The following ANKRD31 variants were observed in gnomAD, a reference collection of about 807,000 sequenced individuals.
The protein encoded by ANKRD31 is ankyrin repeat domain-containing protein 31.
Under a neutral mutation model 186.0 loss-of-function variants are expected in ANKRD31, and 147 were observed. The ratio of observed to expected loss-of-function variants is 0.79; its 90% CI spans 0.69 to 0.91. ANKRD31 has a LOEUF of 0.91. Ranked by LOEUF, ANKRD31 falls within the 40% of genes least tolerant of loss-of-function variation. The pLI is 0.00. For missense variants in ANKRD31, 1,986 were observed against 2,148.8 expected, an observed-to-expected ratio of 0.92 and a Z score of 1.50; for synonymous variants, 673 against 736.4, an observed-to-expected ratio of 0.91 and a Z score of 1.39.
chr5:75,082,024 T>C (rs934420969), intron 24 of ANKRD31, among the ~76,000 whole-genome samples: 1 of 152,208 alleles, frequency 6.6e-6, no homozygotes, highest in African/African-American at 2.4e-5. Flanking sequence ...CTACAAGAAC[T>C]CTTTTCAATT....
At chr5:75,199,544 A>T in intron 6 of ANKRD31, 87 bp downstream of exon 6, 2 of 1,104,856 alleles carry the variant, frequency 1.8e-6, no homozygotes, top group Non-Finnish European at 2.5e-6. Flanking sequence ...GTGAGGGTCT[A>T]AATGAGCTTG....
intron 11 of ANKRD31, among the ~76,000 whole-genome samples, chr5:75,157,233 T>C (rs1752245526): frequency 6.6e-6 from 1 of 151,984 alleles, no homozygotes; most frequent in Non-Finnish European, 1.5e-5. Context: ...ATAGAACAAG[T>C]TTTTAGAAGC....
In ANKRD31 at chr5:75,098,635, G is replaced by A. The variant is rs183567265; in HGVS notation, c.5331+5593C>T. Among the ~76,000 whole-genome samples the A allele has an allele frequency of 2.1e-3, 313 of 152,240 alleles. 8 individuals carry two copies. In the East Asian group the frequency reaches 0.05, roughly 24 times the overall value. On this transcript the variant is annotated intron_variant, in intron 22 of 25. Coordinates refer to ENST00000506364, the MANE Select transcript of ANKRD31 (RefSeq NM_001372053.1). ...GCAGTGGTTTGTAGTTCTCCTTGAA[G>A]ATGTCCTTCACATCCCTTGTAAGTT...
intron 11 of ANKRD31, among the ~76,000 whole-genome samples, chr5:75,160,846 G>C (rs1328840994): frequency 6.6e-6 from 1 of 152,140 alleles, no homozygotes; most frequent in Non-Finnish European, 1.5e-5. Context: ...GGCTTAATAA[G>C]GGGAAATCTA....
chr5:75,195,648 A>C lies in ANKRD31; in HGVS notation c.1000T>G (p.Cys334Gly). 1 of 1,527,450 alleles carries C rather than the reference A, an allele frequency of 6.5e-7. No homozygotes were observed. Among genetic ancestry groups the C allele is most frequent in the Non-Finnish European group, 8.8e-7 (1 of 1,142,520 alleles). 94.6% of individuals were successfully genotyped at this position (1,527,450 alleles called of 1,614,324 possible). ...AAATTCACCTCTGCTATTTGTGTACAATCTTCATTGGTCTGAGACGTATTG... is the reference window on the plus strand; with the variant it reads ...AAATTCACCTCTGCTATTTGTGTACCATCTTCATTGGTCTGAGACGTATTG... ...EFNTSQTNED[C>G]TQIAETLQDP... The change falls in exon 7 of 26, where the codon TGT becomes GGT. Residue 334 changes from cysteine (C) to glycine (G), a missense_variant. Coordinates refer to ENST00000506364, the MANE Select transcript of ANKRD31 (RefSeq NM_001372053.1).
chr5:75,099,847 A>G (rs1746673884), intron 22 of ANKRD31, among the ~76,000 whole-genome samples: 1 of 152,020 alleles, frequency 6.6e-6, no homozygotes, highest in Admixed American at 6.6e-5. Context: ...CGGTCTATCA[A>G]TTTTGTTGAT....
At chr5:75,139,743 G>C (rs1332257737) in intron 15 of ANKRD31, among the ~76,000 whole-genome samples, 1 of 152,198 alleles carries the variant, frequency 6.6e-6, no homozygotes, top group African/African-American at 2.4e-5. Flanking sequence ...GGGAATTGTA[G>C]AGAGAGAGCC....
At chr5:75,228,317 T>C (rs1406707694) in intron 2 of ANKRD31, among the ~76,000 whole-genome samples, 1 of 152,222 alleles carries the variant, frequency 6.6e-6, no homozygotes, top group African/African-American at 2.4e-5. Context: ...CTTGTTTGAC[T>C]GGAGAATTTT....
intron 6 of ANKRD31, among the ~76,000 whole-genome samples, chr5:75,198,713 G>C (rs1274887386): frequency 6.6e-6 from 1 of 152,132 alleles, no homozygotes; most frequent in African/African-American, 2.4e-5. Context: ...AGAAGAACAG[G>C]TACTTGAGCC....
chr5:75,216,330 T>C (rs954844612), intron 3 of ANKRD31, among the ~76,000 whole-genome samples: 6 of 152,172 alleles, frequency 3.9e-5, no homozygotes, highest in African/African-American at 1.4e-4. Context: ...TGAGAATCCA[T>C]ATATTTAAAA....
chr5:75,166,199 G>A (rs187688590), intron 11 of ANKRD31, among the ~76,000 whole-genome samples: 1 of 152,290 alleles, frequency 6.6e-6, no homozygotes, highest in African/African-American at 2.4e-5. Flanking sequence ...GCCAGGTGTG[G>A]CAGCTCCTGC....
intron 10 of ANKRD31, among the ~76,000 whole-genome samples, chr5:75,185,456 G>T (rs367572042): frequency 6.6e-6 from 1 of 152,142 alleles, no homozygotes; most frequent in African/African-American, 2.4e-5. Context: ...TACTCAGGTG[G>T]CTGAGAAAGG....
chr5:75,171,685 A>G (rs1753336742), intron 10 of ANKRD31, among the ~76,000 whole-genome samples: 1 of 151,830 alleles, frequency 6.6e-6, no homozygotes, highest in African/African-American at 2.4e-5. Flanking sequence ...AATAAAATTG[A>G]ATAATACAAC....
intron 25 of ANKRD31, among the ~76,000 whole-genome samples, chr5:75,077,532 T>C (rs917881834): frequency 1.4e-5 from 2 of 147,096 alleles, no homozygotes; most frequent in African/African-American, 2.6e-5. Context: ...GGTGGTTTAT[T>C]AACCTGAATT....
At chr5:75,072,663 G>T (rs949842411) in intron 25 of ANKRD31, among the ~76,000 whole-genome samples, 2 of 152,110 alleles carry the variant, frequency 1.3e-5, no homozygotes, top group Non-Finnish European at 2.9e-5. Context: ...AAGTAGATGG[G>T]ATATTTCTGC....
intron 1 of ANKRD31, among the ~76,000 whole-genome samples, chr5:75,233,494 C>A (rs1348516086): frequency 2.0e-5 from 3 of 151,880 alleles, no homozygotes; most frequent in African/African-American, 7.3e-5. Flanking sequence ...TTAGGCTTAA[C>A]CAGGGCCCTA....
At chr5:75,132,853 G>A (rs6453121) in intron 17 of ANKRD31, among the ~76,000 whole-genome samples, 76,706 of 151,930 alleles carry the variant, frequency 0.5, 22,316 homozygotes, top group African/African-American at 0.81. Context: ...GAGAGTGGGG[G>A]CCAATATTCA....
At chr5:75,100,886 C>G (rs375991170) in intron 22 of ANKRD31, among the ~76,000 whole-genome samples, 11 of 152,042 alleles carry the variant, frequency 7.2e-5, no homozygotes, top group African/African-American at 2.7e-4. Context: ...CAATTTGCCA[C>G]TCTGTGTCTT....
At chr5:75,220,485 C>CA (rs1213520211) in intron 3 of ANKRD31, among the ~76,000 whole-genome samples, 5 of 151,738 alleles carry the variant, frequency 3.3e-5, no homozygotes, top group Admixed American at 6.6e-5. Flanking sequence ...ACTAAAAATA[C>CA]AAAAAAATTA....
Sources: gnomAD v4.1 joint callset for allele counts (sites outside exome capture counted in the v4.1 genomes callset) on GRCh38, gnomAD v4.1.1 for gene constraint, MANE v1.5 for transcripts, NCBI Gene and HGNC (gene_info 2026-07-23, HGNC 2026-07-21) for gene names.